Variants in ADGRL4 observed in about 807,000 individuals in gnomAD.
The protein encoded by ADGRL4 is adhesion G protein-coupled receptor L4.
In ADGRL4, 90 loss-of-function variants were observed where a neutral mutation model predicts 74.8. The observed-to-expected ratio is 1.20, with a 90% CI of 1.02 to 1.43. ADGRL4 has a LOEUF of 1.43. ADGRL4 is among the 40% of genes most tolerant of loss of function. The pLI, the probability that ADGRL4 is intolerant of heterozygous loss-of-function variation, is 0.00. For missense variants in ADGRL4, 881 were observed against 814.3 expected (o/e 1.08, Z -1.00); for synonymous variants, 311 against 279.2 (o/e 1.11, Z -1.14).
intron 2 of ADGRL4, among the ~76,000 whole-genome samples, chr1:78,994,258 T>C (rs1330651810): frequency 6.6e-6 from 1 of 152,214 alleles, no homozygotes; most frequent in East Asian, 1.9e-4. Flanking sequence ...TGCTCTGTAT[T>C]TACAGCAAAA....
intron 2 of ADGRL4, among the ~76,000 whole-genome samples, chr1:78,994,791 T>C (rs1036247671): frequency 1.5e-4 from 23 of 152,192 alleles, no homozygotes; most frequent in African/African-American, 5.3e-4. Flanking sequence ...TATTTGATCA[T>C]CCTGCCTCAT....
Position 78,925,119 on chromosome 1 carries a change from G to T in ADGRL4, c.1083+1767C>A, listed in dbSNP as rs528492619. 1.1e-4 allele frequency among the ~76,000 whole-genome samples: 17 copies of T among 152,150 alleles called. No homozygotes were observed. The South Asian group carries it at 3.3e-3, about 30-fold the overall frequency. ...GATGGTGGATGGAGCATAATTTCTT[G>T]GGAAGTAGATTGGGATGGATGTAGT... On this transcript the variant is annotated intron_variant, in intron 8 of 14. Transcript: ENST00000370742.
chr1:78,906,145 G>A (rs1648629608), intron 12 of ADGRL4, among the ~76,000 whole-genome samples: 1 of 151,928 alleles, frequency 6.6e-6, no homozygotes, highest in African/African-American at 2.4e-5. Flanking sequence ...TGGGCACACT[G>A]GTAGGCCACA....
rs201448012 is a variant in ADGRL4 at position 78,937,975 on chromosome 1, C to T, written c.592G>A (p.Val198Met). 155 of 1,609,896 alleles carry T rather than the reference C, an allele frequency of 9.6e-5. 1 individual carries two copies. Among genetic ancestry groups the T allele is most frequent in the South Asian group, 6.5e-4 (58 of 89,908 alleles). Residue 198 changes from valine to methionine, a missense_variant, in exon 6 of 15, where the codon GTG becomes ATG. Physicochemically the swap from Val to Met is conservative, Grantham distance 21. Transcript: ENST00000370742. The part of the protein sequence containing the change: ...NSTLTEFVKT[V>M]NNFVQRDTFV... ...GTATCCCTTTGAACAAAATTATTCACGGTTTTTACAAATTCCTATTGAAAA... is the reference window on the plus strand; with the variant it reads ...GTATCCCTTTGAACAAAATTATTCATGGTTTTTACAAATTCCTATTGAAAA...
intron 9 of ADGRL4, 138 bp downstream of exon 9, chr1:78,921,475 T>TATACTAAA: frequency 2.3e-6 from 1 of 435,866 alleles, no homozygotes. Context: ...AAAGATCCTG[T>TATACTAAA]TGGGGTTTTA....
At chr1:78,956,631 T>C (rs1649835330) in intron 2 of ADGRL4, among the ~76,000 whole-genome samples, 1 of 152,212 alleles carries the variant, frequency 6.6e-6, no homozygotes, top group African/African-American at 2.4e-5. Flanking sequence ...GTTGCTCAAA[T>C]ATTATTTGTC....
At chr1:78,946,173 C>A (rs572715866) in intron 3 of ADGRL4, 101 bp downstream of exon 3, 1 of 810,466 alleles carries the variant, frequency 1.2e-6, no homozygotes. Context: ...ACGTAGGGTA[C>A]GATCAAGGTC....
intron 2 of ADGRL4, among the ~76,000 whole-genome samples, chr1:78,961,893 T>G (rs1461698247): frequency 6.6e-6 from 1 of 151,980 alleles, no homozygotes; most frequent in Non-Finnish European, 1.5e-5. Flanking sequence ...CTTTTTTTTT[T>G]TTTTTGGATG....
At chr1:78,996,664 G>T (rs1360288390) in intron 2 of ADGRL4, among the ~76,000 whole-genome samples, 2 of 152,062 alleles carry the variant, frequency 1.3e-5, no homozygotes, top group African/African-American at 4.8e-5. Context: ...GGCCTTCCAT[G>T]GTTGATCCTC....
chr1:78,902,588 T>A (rs984361), intron 12 of ADGRL4, among the ~76,000 whole-genome samples: 5,931 of 152,244 alleles, frequency 0.039, 153 homozygotes, highest in Middle Eastern at 0.058. Context: ...CAAACTAAGA[T>A]GAAGGAAACA....
At chr1:78,897,643 T>C (rs2100652085) in intron 12 of ADGRL4, among the ~76,000 whole-genome samples, 1 of 152,302 alleles carries the variant, frequency 6.6e-6, no homozygotes, top group South Asian at 2.1e-4. Context: ...TTTCTTTAAC[T>C]TTGTATCAGA....
At chr1:78,978,793 CAA>C (rs1650343588) in intron 2 of ADGRL4, among the ~76,000 whole-genome samples, 1 of 151,956 alleles carries the variant, frequency 6.6e-6, no homozygotes, top group Non-Finnish European at 1.5e-5. Flanking sequence ...GTTAACTTTT[CAA>C]AGTTTACAGA....
intron 2 of ADGRL4, among the ~76,000 whole-genome samples, chr1:78,991,452 A>G: frequency 6.6e-6 from 1 of 152,010 alleles, no homozygotes; most frequent in East Asian, 1.9e-4. Flanking sequence ...ATATCGGTTA[A>G]ATAAACTAAC....
chr1:78,958,697 T>C (rs758407309), intron 2 of ADGRL4, among the ~76,000 whole-genome samples: 11 of 152,236 alleles, frequency 7.2e-5, no homozygotes, highest in Admixed American at 1.3e-4. Flanking sequence ...ACTGTTGAAA[T>C]GACAAAAAAG....
chr1:78,889,788 T>C lies in ADGRL4; in HGVS notation c.*1366A>G, dbSNP rs1354184345. ...CTTCATTTAGATAACATTTTATTTGTTAGAGCAAGATTTGGCAGACTTCAT... is the reference window on the plus strand; with the variant it reads ...CTTCATTTAGATAACATTTTATTTGCTAGAGCAAGATTTGGCAGACTTCAT... On this transcript the variant is annotated 3_prime_UTR_variant, in exon 15 of 15. Coordinates refer to ENST00000370742, the MANE Select transcript of ADGRL4 (RefSeq NM_022159.4). The C allele has an allele frequency of 2.2e-6, 1 of 454,504 alleles. No homozygotes were observed. The highest frequency in any genetic ancestry group is 4.6e-6 in the Non-Finnish European group (1 of 218,972). The allele number at this position is 454,504 out of a possible 1,614,324, so 28.2% of individuals were successfully genotyped here.
rs1294978310 is a variant in ADGRL4 at position 78,968,501 on chromosome 1, GGT to G, written c.173-22077_173-22076del. On this transcript the variant is annotated intron_variant, in intron 2 of 14. Coordinates refer to ENST00000370742, the MANE Select transcript of ADGRL4 (RefSeq NM_022159.4). ...ATCGCTCTCTACTGGGGTGGAGGGC[GGT>G]GGGGGGGTGGGGGGGAGACGGGGGT... Among the ~76,000 whole-genome samples, 371 of 125,598 alleles carry G rather than the reference GGT, an allele frequency of 3.0e-3. 8 individuals are homozygous for G. The highest frequency in any genetic ancestry group is 9.8e-3 in the African/African-American group (305 of 31,276). 82.4% of individuals were successfully genotyped at this position (125,598 alleles called of 152,430 possible). A position where few individuals can be genotyped will look rare whatever the true frequency, so the allele number is the denominator to read the frequency against.
At chr1:78,907,057 T>C (rs1242525440) in intron 12 of ADGRL4, among the ~76,000 whole-genome samples, 3 of 151,998 alleles carry the variant, frequency 2.0e-5, no homozygotes, top group East Asian at 1.9e-4. Context: ...CTCTTCACTA[T>C]CCATATTGCT....
intron 2 of ADGRL4, among the ~76,000 whole-genome samples, chr1:78,965,870 C>A (rs1650045837): frequency 6.6e-6 from 1 of 151,954 alleles, no homozygotes; most frequent in African/African-American, 2.4e-5. Flanking sequence ...GACAGCTGAG[C>A]TGACACTCTA....
At chr1:78,959,405 T>G (rs1289735455) in intron 2 of ADGRL4, among the ~76,000 whole-genome samples, 1 of 152,198 alleles carries the variant, frequency 6.6e-6, no homozygotes, top group Admixed American at 6.6e-5. Context: ...GTAGGCAAAT[T>G]GGTTATGACA....
Sources: gnomAD v4.1 joint callset for allele counts (sites outside exome capture counted in the v4.1 genomes callset) on GRCh38, gnomAD v4.1.1 for gene constraint, MANE v1.5 for transcripts, NCBI Gene and HGNC (gene_info 2026-07-23, HGNC 2026-07-21) for gene names.